The following OSBPL9 variants were observed in gnomAD, a reference collection of about 807,000 sequenced individuals.
OSBPL9 encodes oxysterol binding protein like 9, also known as oxysterol-binding protein-related protein 9.
A neutral mutation model predicts 106.6 loss-of-function variants in OSBPL9; 40 were observed. The observed-to-expected ratio is 0.38, with a 90% CI of 0.29 to 0.49. The LOEUF is 0.49. OSBPL9 is among the 20% of genes least tolerant of loss of function. OSBPL9 has a pLI of 0.97. For synonymous variants in OSBPL9, 269 were observed against 295.4 expected (o/e 0.91, Z 0.92); for missense variants, 609 against 887.2 (o/e 0.69, Z 3.98).
chr1:51,730,833 A>G (rs1664208728), intron 4 of OSBPL9, among the ~76,000 whole-genome samples: 1 of 152,208 alleles, frequency 6.6e-6, no homozygotes, highest in African/African-American at 2.4e-5. Flanking sequence ...AGTAATTCCT[A>G]GTTTCTCAGT....
chr1:51,772,050 G>GGT lies in OSBPL9; in HGVS notation c.939-19_939-18dup. ...AAATTGCTTTCTTTAGCTTAAATAA[G>GGT]GTAATTAATGTTTTTATAGTTCTTC... is the stretch of plus-strand genomic sequence containing the variant. On this transcript the variant is annotated intron_variant, in intron 12 of 23. Coordinates refer to ENST00000428468, the MANE Select transcript of OSBPL9 (RefSeq NM_024586.6). 6.3e-7 allele frequency: 1 copy of GGT among 1,580,378 alleles called. No individual in the cohort carries two copies. Among genetic ancestry groups the GGT allele is most frequent in the Non-Finnish European group, 8.7e-7 (1 of 1,154,624 alleles).
chr1:51,763,155 G>A lies in OSBPL9; in HGVS notation c.778+1184G>A, dbSNP rs184182579. ...TGAGTAGCTGGGATTAAAGATGTGC[G>A]CCACCACGCCCCACAAATTTTTGTA... On this transcript the variant is annotated intron_variant, in intron 11 of 23. Transcript: ENST00000428468. Among the ~76,000 whole-genome samples the A allele has an allele frequency of 6.8e-3, 1,037 of 151,970 alleles. 9 individuals carry two copies. The highest frequency in any genetic ancestry group is 0.027 in the Middle Eastern group (8 of 294).
At chr1:51,623,686 C>G (rs911582282) in intron 1 of OSBPL9, among the ~76,000 whole-genome samples, 1 of 151,334 alleles carries the variant, frequency 6.6e-6, no homozygotes, top group African/African-American at 2.5e-5. Context: ...TGTTATTTGG[C>G]AGTCTTTAGC....
At chr1:51,545,875 A>G in the OSBPL9 span, among the ~76,000 whole-genome samples, 9 of 152,238 alleles carry the variant, frequency 5.9e-5, no homozygotes, top group African/African-American at 1.9e-4. Context: ...TATAATTACC[A>G]TATGTCAACA....
chr1:51,664,373 G>A (rs532797237), intron 2 of OSBPL9, among the ~76,000 whole-genome samples: 1 of 152,238 alleles, frequency 6.6e-6, no homozygotes, highest in South Asian at 2.1e-4. Flanking sequence ...AGGAAAATAA[G>A]TGGTGTGAGT....
At chr1:51,560,467 AG>A in the OSBPL9 span, among the ~76,000 whole-genome samples, 1 of 152,236 alleles carries the variant, frequency 6.6e-6, no homozygotes, top group African/African-American at 2.4e-5. Flanking sequence ...ATGTAGGTAA[AG>A]CACTCACCCC....
intron 4 of OSBPL9, among the ~76,000 whole-genome samples, chr1:51,735,452 A>G (rs1571413897): frequency 6.6e-6 from 1 of 152,168 alleles, no homozygotes; most frequent in South Asian, 2.1e-4. Flanking sequence ...GTACTGCTTT[A>G]CCCCTCCCAT....
intron 1 of OSBPL9, among the ~76,000 whole-genome samples, chr1:51,588,471 C>T (rs1645258019): frequency 6.6e-6 from 1 of 152,140 alleles, no homozygotes; most frequent in Non-Finnish European, 1.5e-5. Context: ...CCAGTCTGGG[C>T]CACATAGCAA....
At chr1:51,570,555 A>G in the OSBPL9 span, among the ~76,000 whole-genome samples, 9 of 152,212 alleles carry the variant, frequency 5.9e-5, no homozygotes, top group African/African-American at 2.2e-4. Context: ...CTTACTCAAG[A>G]TGACAGAGTC....
intron 2 of OSBPL9, among the ~76,000 whole-genome samples, chr1:51,667,198 A>C (rs1357993971): frequency 6.6e-6 from 1 of 152,216 alleles, no homozygotes; most frequent in Admixed American, 6.5e-5. Flanking sequence ...AGTGAGTTGC[A>C]ATAGCTTTGT....
chr1:51,682,787 A>G (rs1652862811), intron 3 of OSBPL9, among the ~76,000 whole-genome samples: 1 of 151,814 alleles, frequency 6.6e-6, no homozygotes, highest in Admixed American at 6.6e-5. Flanking sequence ...AAATGTGTAT[A>G]TATACACAAT....
the OSBPL9 span, among the ~76,000 whole-genome samples, chr1:51,552,099 C>T: frequency 2.0e-5 from 3 of 152,112 alleles, no homozygotes; most frequent in African/African-American, 2.4e-5. Context: ...AATCTACACA[C>T]GTTATGTATA....
intron 4 of OSBPL9, among the ~76,000 whole-genome samples, chr1:51,725,769 A>T (rs2148924272): frequency 6.6e-6 from 1 of 152,048 alleles, no homozygotes; most frequent in South Asian, 2.1e-4. Flanking sequence ...CACTGTGATG[A>T]CCCTTATTGA....
intron 3 of OSBPL9, among the ~76,000 whole-genome samples, chr1:51,670,419 C>T (rs1458177901): frequency 2.6e-5 from 4 of 152,174 alleles, no homozygotes; most frequent in African/African-American, 9.7e-5. Context: ...ATATTAAATA[C>T]ATTTATTGCT....
intron 1 of OSBPL9, among the ~76,000 whole-genome samples, chr1:51,578,084 C>T (rs1645197179): frequency 6.6e-6 from 1 of 152,156 alleles, no homozygotes; most frequent in Non-Finnish European, 1.5e-5. Context: ...ATTCTGCTGA[C>T]CGTTGTGTGC....
intron 4 of OSBPL9, 139 bp downstream of exon 4, chr1:51,714,218 T>C: frequency 1.7e-6 from 1 of 581,500 alleles, no homozygotes; most frequent in East Asian, 3.0e-5. Flanking sequence ...ATTTTTCCTT[T>C]ACAGTTATAG....
At chr1:51,669,714 G>A in intron 3 of OSBPL9, 4 of 668,146 alleles carry the variant, frequency 6.0e-6, no homozygotes, top group Non-Finnish European at 1.1e-5. Context: ...TGAAACGACT[G>A]TGGATCTGGC....
At chr1:51,637,740 T>C (rs528261996) in intron 1 of OSBPL9, among the ~76,000 whole-genome samples, 1 of 152,348 alleles carries the variant, frequency 6.6e-6, no homozygotes, top group African/African-American at 2.4e-5. Context: ...AAGAAGACTC[T>C]ACATTTAGGC....
At chr1:51,778,202 G>A (rs529493121) in intron 15 of OSBPL9, among the ~76,000 whole-genome samples, 2 of 152,082 alleles carry the variant, frequency 1.3e-5, no homozygotes, top group East Asian at 1.9e-4. Flanking sequence ...AAGATTAAAC[G>A]GAATCATACA....
Sources: allele counts gnomAD v4.1 joint callset (sites outside exome capture counted in the v4.1 genomes callset), GRCh38; gene constraint gnomAD v4.1.1; transcripts MANE v1.5; gene names NCBI Gene and HGNC (gene_info 2026-07-23, HGNC 2026-07-21).